Variants in KCNMA1 observed in about 807,000 individuals in gnomAD.
The protein encoded by KCNMA1 is Calcium-activated potassium channel subunit alpha-1.
Under a neutral mutation model 140.0 loss-of-function variants are expected in KCNMA1, and 29 were observed. The ratio of observed to expected loss-of-function variants is 0.21; its 90% CI spans 0.15 to 0.28. The LOEUF is 0.28. Among genes scored for constraint, KCNMA1 ranks in the 10% least tolerant of loss-of-function variants. The probability of loss-of-function intolerance (pLI) is 1.00; values close to 1 mark genes in which losing one functional copy is unlikely to be tolerated. For synonymous variants in KCNMA1, 612 were observed against 611.9 expected, an observed-to-expected ratio of 1.00 and a Z score of 0.00; for missense variants, 880 against 1,602.2, an observed-to-expected ratio of 0.55 and a Z score of 7.70.
chr10:77,576,258 C>T (rs1029278301), intron 1 of KCNMA1, among the ~76,000 whole-genome samples: 7 of 152,186 alleles, frequency 4.6e-5, no homozygotes, highest in Admixed American at 6.5e-5. Context: ...CTCGCCCTTC[C>T]CTAACAGAGA....
At chr10:77,331,870 TG>T (rs1379902282) in intron 2 of KCNMA1, among the ~76,000 whole-genome samples, 3 of 152,116 alleles carry the variant, frequency 2.0e-5, no homozygotes, top group African/African-American at 7.2e-5. Flanking sequence ...CAAATTGCCC[TG>T]GGGAGCACTG....
intron 1 of KCNMA1, among the ~76,000 whole-genome samples, chr10:77,618,626 C>T (rs2090369474): frequency 6.6e-6 from 1 of 152,148 alleles, no homozygotes; most frequent in South Asian, 2.1e-4. Flanking sequence ...GTCTCAAAGG[C>T]CAAGCATATC....
chr10:77,348,538 C>G (rs923009334), intron 2 of KCNMA1, among the ~76,000 whole-genome samples: 1 of 152,116 alleles, frequency 6.6e-6, no homozygotes, highest in Non-Finnish European at 1.5e-5. Flanking sequence ...GAAGCTGAGA[C>G]CCAGCCCAGA....
intron 12 of KCNMA1, among the ~76,000 whole-genome samples, chr10:77,082,348 C>T (rs2096601338): frequency 6.6e-6 from 1 of 151,998 alleles, no homozygotes; most frequent in Admixed American, 6.6e-5. Flanking sequence ...ATTTCTATGC[C>T]TCCTTGTCCT....
intron 3 of KCNMA1, chr10:77,250,551 C>G (rs1044370454): frequency 6.4e-6 from 1 of 156,590 alleles, no homozygotes; most frequent in African/African-American, 2.4e-5. Flanking sequence ...TCTGGAGCAC[C>G]AGTCCATTCG....
intron 1 of KCNMA1, among the ~76,000 whole-genome samples, chr10:77,538,481 C>T (rs1405228886): frequency 2.0e-5 from 3 of 152,176 alleles, no homozygotes; most frequent in Admixed American, 1.3e-4. Flanking sequence ...TCATTACCCC[C>T]AGCTGGACTT....
intron 1 of KCNMA1, among the ~76,000 whole-genome samples, chr10:77,495,733 G>A (rs2154543451): frequency 6.6e-6 from 1 of 152,272 alleles, no homozygotes; most frequent in East Asian, 1.9e-4. Flanking sequence ...CCATACTGGT[G>A]ACTGGCTGTG....
intron 1 of KCNMA1, among the ~76,000 whole-genome samples, chr10:77,556,020 T>A (rs1014107551): frequency 1.3e-5 from 2 of 152,160 alleles, no homozygotes; most frequent in Non-Finnish European, 2.9e-5. Flanking sequence ...TCAAAGAGGA[T>A]GGCATAAGAA....
chr10:77,492,808 T>C (rs773303015), intron 1 of KCNMA1, among the ~76,000 whole-genome samples: 12 of 152,220 alleles, frequency 7.9e-5, no homozygotes, highest in Non-Finnish European at 7.3e-5. Context: ...CTCGCTTGTA[T>C]GGGAGTGGAG....
chr10:77,267,496 C>T (rs1747264832), intron 2 of KCNMA1, among the ~76,000 whole-genome samples: 2 of 152,182 alleles, frequency 1.3e-5, no homozygotes, highest in Admixed American at 1.3e-4. Context: ...TCAGAAACTT[C>T]TTCTCCACTT....
chr10:77,120,192 C>G (rs1242092674), intron 6 of KCNMA1, among the ~76,000 whole-genome samples: 1 of 152,080 alleles, frequency 6.6e-6, no homozygotes, highest in East Asian at 1.9e-4. Context: ...AAATTTATGG[C>G]CTGTACTTAT....
At chr10:77,392,394 TG>T (rs2095868136) in intron 2 of KCNMA1, among the ~76,000 whole-genome samples, 1 of 152,148 alleles carries the variant, frequency 6.6e-6, no homozygotes, top group Non-Finnish European at 1.5e-5. Flanking sequence ...CTGCACAGGA[TG>T]TGCAATCAGG....
chr10:77,112,319 G>T lies in KCNMA1; in HGVS notation c.960+48C>A, dbSNP rs12355548. 39,451 of 1,299,710 alleles carry T rather than the reference G, an allele frequency of 0.03. 798 individuals are homozygous for T. Among genetic ancestry groups the T allele is most frequent in the Middle Eastern group, 0.061 (331 of 5,436 alleles). The allele number at this position is 1,299,710 out of a possible 1,614,324, so 80.5% of individuals were successfully genotyped here. Reference sequence around the variant, plus strand: ...TAGGTAATAAAATGACTCAGAGAGGGTCTTGTTGCAGGCAAGCGAGAGCAG... The same window carrying T: ...TAGGTAATAAAATGACTCAGAGAGGTTCTTGTTGCAGGCAAGCGAGAGCAG... On this transcript the variant is annotated intron_variant, in intron 7 of 27. Coordinates refer to ENST00000286628, the MANE Select transcript of KCNMA1 (RefSeq NM_001161352.2).
At chr10:77,564,260 C>T (rs1654654020) in intron 1 of KCNMA1, among the ~76,000 whole-genome samples, 1 of 152,314 alleles carries the variant, frequency 6.6e-6, no homozygotes, top group African/African-American at 2.4e-5. Context: ...CCTGAAGTGG[C>T]TCTCACCACG....
chr10:77,565,907 C>T (rs1214926148), intron 1 of KCNMA1, among the ~76,000 whole-genome samples: 3 of 152,016 alleles, frequency 2.0e-5, no homozygotes, highest in Middle Eastern at 3.2e-3. Context: ...ACAGCCCTAA[C>T]GCTCTCACCA....
At chr10:77,611,607 G>T (rs575015722) in intron 1 of KCNMA1, among the ~76,000 whole-genome samples, 23 of 151,908 alleles carry the variant, frequency 1.5e-4, no homozygotes, top group South Asian at 8.3e-4. Context: ...GGCACATAGC[G>T]AGTTCTCCAT....
intron 2 of KCNMA1, among the ~76,000 whole-genome samples, chr10:77,379,326 C>T (rs1217765788): frequency 1.3e-5 from 2 of 152,054 alleles, no homozygotes; most frequent in Non-Finnish European, 2.9e-5. Context: ...CTATTAAATC[C>T]TCAACCATTT....
At chr10:77,384,036 T>C (rs1258213190) in intron 2 of KCNMA1, among the ~76,000 whole-genome samples, 1 of 152,236 alleles carries the variant, frequency 6.6e-6, no homozygotes, top group Non-Finnish European at 1.5e-5. Context: ...CTGGGGCAGT[T>C]TGCGATTCAC....
intron 23 of KCNMA1, among the ~76,000 whole-genome samples, chr10:76,935,423 C>T (rs530463157): frequency 6.6e-6 from 1 of 152,294 alleles, no homozygotes; most frequent in East Asian, 1.9e-4. Flanking sequence ...AAAGCATAGA[C>T]TTTGAAATCA....
Sources: allele counts gnomAD v4.1 joint callset (sites outside exome capture counted in the v4.1 genomes callset), GRCh38; gene constraint gnomAD v4.1.1; transcripts MANE v1.5; gene names NCBI Gene and HGNC (gene_info 2026-07-23, HGNC 2026-07-21).